Variants in GABRG3 observed in about 807,000 individuals in gnomAD.
GABRG3 encodes the protein gamma-aminobutyric acid type A receptor subunit gamma3, also known as gamma-aminobutyric acid receptor subunit gamma-3.
A neutral mutation model predicts 48.8 loss-of-function variants in GABRG3; 25 were observed. That is an observed-to-expected ratio of 0.51 (90% CI 0.37 to 0.72). GABRG3 has a LOEUF of 0.72. Ranked by LOEUF, GABRG3 falls within the 30% of genes least tolerant of loss-of-function variation. The pLI is 0.00. For synonymous variants in GABRG3, 227 were observed against 217.6 expected, an observed-to-expected ratio of 1.04 and a Z score of -0.38; for missense variants, 394 against 577.9, an observed-to-expected ratio of 0.68 and a Z score of 3.26.
chr15:27,090,375 C>T (rs1194692449), intron 3 of GABRG3, among the ~76,000 whole-genome samples: 1 of 152,084 alleles, frequency 6.6e-6, no homozygotes, highest in South Asian at 2.1e-4. Flanking sequence ...GTAGGTAACC[C>T]CATTGTAAGC....
In GABRG3 at chr15:27,493,321, A is replaced by T. The variant is rs28597395; in HGVS notation, c.712+12534A>T. Among the ~76,000 whole-genome samples, 242 of 152,092 alleles carry T rather than the reference A, an allele frequency of 1.6e-3. 2 individuals carry two copies. The highest frequency in any genetic ancestry group is 2.1e-3 in the Non-Finnish European group (144 of 67,974). On this transcript the variant is annotated intron_variant, in intron 6 of 9. Coordinates refer to ENST00000615808, the MANE Select transcript of GABRG3 (RefSeq NM_033223.5). ...ATATAAACATGAGAATTTTTTTTTT[A>T]AAAAACTTAAATTCTATCTCCTAGT...
At chr15:27,189,131 C>T (rs1270679858) in intron 3 of GABRG3, among the ~76,000 whole-genome samples, 1 of 151,744 alleles carries the variant, frequency 6.6e-6, no homozygotes, top group Non-Finnish European at 1.5e-5. Context: ...GTTACTGTAG[C>T]CTTGTAGTAT....
At chr15:27,506,063 ACCT>A (rs1890752263) in intron 6 of GABRG3, among the ~76,000 whole-genome samples, 1 of 152,092 alleles carries the variant, frequency 6.6e-6, no homozygotes, top group African/African-American at 2.4e-5. Flanking sequence ...TTGTTCCCTT[ACCT>A]TCCCGTAATG....
chr15:27,098,478 T>G (rs1348002644), intron 3 of GABRG3, among the ~76,000 whole-genome samples: 1 of 152,180 alleles, frequency 6.6e-6, no homozygotes, highest in Admixed American at 6.5e-5. Context: ...TGAATGTCAG[T>G]ATCTCAGAAC....
intron 6 of GABRG3, among the ~76,000 whole-genome samples, chr15:27,516,999 C>T (rs8030450): frequency 0.56 from 85,018 of 152,008 alleles, 23,926 homozygotes; most frequent in East Asian, 0.67. Flanking sequence ...CCATCACTGA[C>T]AGCATCGTGC....
chr15:27,224,678 A>G (rs1200053386), intron 3 of GABRG3, among the ~76,000 whole-genome samples: 3 of 152,210 alleles, frequency 2.0e-5, no homozygotes, highest in Non-Finnish European at 4.4e-5. Flanking sequence ...ATGAGAATGT[A>G]TTTGATCTCT....
At chr15:27,057,318 G>T (rs1896567257) in intron 3 of GABRG3, among the ~76,000 whole-genome samples, 1 of 152,166 alleles carries the variant, frequency 6.6e-6, no homozygotes, top group Non-Finnish European at 1.5e-5. Flanking sequence ...ATTTTTATGG[G>T]ATTAAAACCA....
chr15:27,206,741 G>A (rs112277342), intron 3 of GABRG3, among the ~76,000 whole-genome samples: 1,700 of 152,232 alleles, frequency 0.011, 23 homozygotes, highest in African/African-American at 0.039. Context: ...CTCCAGTGTC[G>A]GGTGCATATA....
At chr15:27,349,781 T>A (rs568049751) in intron 5 of GABRG3, among the ~76,000 whole-genome samples, 9 of 152,286 alleles carry the variant, frequency 5.9e-5, no homozygotes, top group African/African-American at 2.2e-4. Context: ...AGAGGCTTCA[T>A]AGAGCCTGTG....
At chr15:27,390,550 A>G (rs1209582791) in intron 5 of GABRG3, among the ~76,000 whole-genome samples, 1 of 152,138 alleles carries the variant, frequency 6.6e-6, no homozygotes, top group Non-Finnish European at 1.5e-5. Context: ...CATGGGAGTC[A>G]TTTTGTCAGG....
At chr15:27,200,573 G>A (rs1474512287) in intron 3 of GABRG3, among the ~76,000 whole-genome samples, 1 of 152,106 alleles carries the variant, frequency 6.6e-6, no homozygotes, top group South Asian at 2.1e-4. Context: ...TCATTTTCTG[G>A]CACAGGCAAA....
intron 3 of GABRG3, among the ~76,000 whole-genome samples, chr15:27,171,757 A>G (rs773937497): frequency 6.6e-5 from 10 of 152,154 alleles, no homozygotes; most frequent in Non-Finnish European, 1.2e-4. Flanking sequence ...TGCTTGAGCC[A>G]GGCACTGCCT....
intron 3 of GABRG3, among the ~76,000 whole-genome samples, chr15:27,111,641 G>A (rs1265063193): frequency 6.6e-6 from 1 of 152,156 alleles, no homozygotes; most frequent in African/African-American, 2.4e-5. Context: ...CCTGTGTGCT[G>A]TTCTTCAGAG....
At chr15:27,150,575 A>C (rs1165799984) in intron 3 of GABRG3, among the ~76,000 whole-genome samples, 1 of 152,246 alleles carries the variant, frequency 6.6e-6, no homozygotes, top group Non-Finnish European at 1.5e-5. Context: ...AGCACTCACA[A>C]CAACTTCTAT....
chr15:27,518,135 G>A (rs541976025), intron 6 of GABRG3, among the ~76,000 whole-genome samples: 26 of 146,090 alleles, frequency 1.8e-4, no homozygotes, highest in Admixed American at 1.8e-3. Flanking sequence ...TGGATCACCT[G>A]AGGTCAGGAG....
chr15:27,474,152 T>C (rs1311061359), intron 5 of GABRG3, among the ~76,000 whole-genome samples: 2 of 152,202 alleles, frequency 1.3e-5, no homozygotes, highest in Non-Finnish European at 2.9e-5. Context: ...TTACCTGATA[T>C]GAAGACTTCA....
At chr15:27,169,812 A>C (rs772592823) in intron 3 of GABRG3, among the ~76,000 whole-genome samples, 3 of 152,166 alleles carry the variant, frequency 2.0e-5, no homozygotes, top group Non-Finnish European at 2.9e-5. Context: ...AAGCAGCCAG[A>C]GGGGAAGAAA....
At chr15:27,376,041 G>T (rs1392073304) in intron 5 of GABRG3, among the ~76,000 whole-genome samples, 1 of 152,174 alleles carries the variant, frequency 6.6e-6, no homozygotes, top group Non-Finnish European at 1.5e-5. Context: ...ACAGGCATTG[G>T]GTAAATACAG....
rs146694824 is a variant in GABRG3 at position 27,498,557 on chromosome 15, G to A, written c.712+17770G>A. 3.9e-3 allele frequency among the ~76,000 whole-genome samples: 587 copies of A among 151,142 alleles called. 4 individuals carry two copies. Among genetic ancestry groups the A allele is most frequent in the African/African-American group, 0.013 (531 of 40,682 alleles). ...GTCTCCCAGGCTGGAGTGCAGTGGC[G>A]TGATGTCGGCTCACTGCAACCTCTG... On this transcript the variant is annotated intron_variant, in intron 6 of 9. Coordinates refer to ENST00000615808, the MANE Select transcript of GABRG3 (RefSeq NM_033223.5).
Sources: allele counts gnomAD v4.1 joint callset (sites outside exome capture counted in the v4.1 genomes callset), GRCh38; gene constraint gnomAD v4.1.1; transcripts MANE v1.5; gene names NCBI Gene and HGNC (gene_info 2026-07-23, HGNC 2026-07-21).